The following DOCK9 variants were observed in gnomAD, a reference collection of about 807,000 sequenced individuals.
DOCK9 encodes the protein dedicator of cytokinesis protein 9.
A neutral mutation model predicts 263.3 loss-of-function variants in DOCK9; 89 were observed. That is an observed-to-expected ratio of 0.34 (90% CI 0.28 to 0.40). The LOEUF is 0.40. Ranked by LOEUF, DOCK9 falls within the 10% of genes least tolerant of loss-of-function variation. The pLI is 1.00. For missense variants in DOCK9, 2,140 were observed against 2,603.4 expected, an observed-to-expected ratio of 0.82 and a Z score of 3.87; for synonymous variants, 976 against 973.1, an observed-to-expected ratio of 1.00 and a Z score of -0.06.
chr13:98,830,062 C>A (rs1272805468), intron 41 of DOCK9, among the ~76,000 whole-genome samples: 1 of 152,210 alleles, frequency 6.6e-6, no homozygotes, highest in Admixed American at 6.5e-5. Flanking sequence ...TTACCTATTA[C>A]CTTCTCTAAC....
At chr13:98,924,282 A>C (rs2052563454) in intron 4 of DOCK9, among the ~76,000 whole-genome samples, 1 of 152,224 alleles carries the variant, frequency 6.6e-6, no homozygotes, top group Non-Finnish European at 1.5e-5. Context: ...GAACATTCTT[A>C]AGGAGTGGCA....
chr13:98,823,754 G>T (rs1374188125), intron 45 of DOCK9, among the ~76,000 whole-genome samples: 1 of 152,158 alleles, frequency 6.6e-6, no homozygotes, highest in African/African-American at 2.4e-5. Context: ...GTCAAAACTC[G>T]CCAGTTACAG....
chr13:98,940,493 G>A (rs4772161), intron 2 of DOCK9, among the ~76,000 whole-genome samples: 72,538 of 151,804 alleles, frequency 0.48, 17,796 homozygotes, highest in Middle Eastern at 0.53. Flanking sequence ...TGACCTTCTA[G>A]GCTCCAGCGA....
At chr13:98,804,245 A>C (rs1489711886) in intron 49 of DOCK9, among the ~76,000 whole-genome samples, 1 of 152,216 alleles carries the variant, frequency 6.6e-6, no homozygotes, top group East Asian at 1.9e-4. Flanking sequence ...TTCTTGGTCA[A>C]GAAAGCATTT....
rs535167131 is a variant in DOCK9, at chr13:99,025,994, G to C, written c.129+60229C>G. Among the ~76,000 whole-genome samples, 163 of 135,816 alleles carry C rather than the reference G, an allele frequency of 1.2e-3. 1 individual carries two copies. The highest frequency in any genetic ancestry group is 2.2e-3 in the Non-Finnish European group (136 of 61,876). The allele number at this position is 135,816 out of a possible 152,430, so 89.1% of individuals were successfully genotyped here. Reference sequence around the variant, plus strand: ...AATGTCCAGAACAGGCAAATATCTAGAGACAGAAAGCAGATTAACAGTTCC... The same window carrying C: ...AATGTCCAGAACAGGCAAATATCTACAGACAGAAAGCAGATTAACAGTTCC... On this transcript the variant is annotated intron_variant, in intron 1 of 32. Transcript: ENST00000427887.
intron 27 of DOCK9, among the ~76,000 whole-genome samples, chr13:98,868,732 T>G (rs568656241): frequency 4.5e-4 from 69 of 152,246 alleles, no homozygotes; most frequent in Non-Finnish European, 6.9e-4. Context: ...CCAGCCAGGG[T>G]GACAAAGCAA....
At chr13:98,918,662 A>C (rs1566961690) in intron 7 of DOCK9, among the ~76,000 whole-genome samples, 1 of 152,222 alleles carries the variant, frequency 6.6e-6, no homozygotes, top group Non-Finnish European at 1.5e-5. Flanking sequence ...GAATTTTATA[A>C]CTAGCCAAAC....
upstream of DOCK9, among the ~76,000 whole-genome samples, chr13:99,087,064 G>T (rs984281139): frequency 6.8e-6 from 1 of 147,092 alleles, no homozygotes; most frequent in African/African-American, 2.7e-5. Context: ...TCTGCGCCCG[G>T]GGCCTCTGCG....
At chr13:98,830,873 C>CT in intron 41 of DOCK9, among the ~76,000 whole-genome samples, 1 of 152,272 alleles carries the variant, frequency 6.6e-6, no homozygotes, top group East Asian at 1.9e-4. Flanking sequence ...GGGACACCTA[C>CT]CATGTGTTTG....
At chr13:98,899,019 A>C (rs1472922134) in intron 13 of DOCK9, among the ~76,000 whole-genome samples, 6 of 151,370 alleles carry the variant, frequency 4.0e-5, no homozygotes, top group Admixed American at 2.6e-4. Context: ...TGATTGTCTC[A>C]GAGTTACAGT....
intron 51 of DOCK9, 38 bp from the exon 52 acceptor site, chr13:98,797,291 A>G: frequency 6.2e-7 from 1 of 1,613,076 alleles, no homozygotes; most frequent in East Asian, 2.2e-5. Flanking sequence ...AGGCACGCAG[A>G]GGATAAGGCA....
chr13:98,872,820 C>A (rs950030182), intron 27 of DOCK9, among the ~76,000 whole-genome samples: 1 of 152,214 alleles, frequency 6.6e-6, no homozygotes, highest in African/African-American at 2.4e-5. Flanking sequence ...GAGAATGGCA[C>A]CTCACATCTT....
chr13:99,013,293 T>G (rs528755467), intron 1 of DOCK9, among the ~76,000 whole-genome samples: 3 of 152,080 alleles, frequency 2.0e-5, no homozygotes, highest in Non-Finnish European at 2.9e-5. Flanking sequence ...GTTGTTGTTG[T>G]TGGTAGAAAC....
At chr13:98,908,210 A>G (rs1353690431) in intron 9 of DOCK9, among the ~76,000 whole-genome samples, 1 of 152,224 alleles carries the variant, frequency 6.6e-6, no homozygotes, top group East Asian at 1.9e-4. Context: ...ACTAATAACC[A>G]GCAAAATATA....
chr13:99,030,307 A>G (rs1041530525), intron 1 of DOCK9, among the ~76,000 whole-genome samples: 5 of 152,276 alleles, frequency 3.3e-5, no homozygotes, highest in Non-Finnish European at 4.4e-5. Flanking sequence ...GGCATATGAA[A>G]TAAATCATAA....
chr13:99,040,248 T>C (rs2142122077), intron 1 of DOCK9, among the ~76,000 whole-genome samples: 1 of 152,294 alleles, frequency 6.6e-6, no homozygotes, highest in Admixed American at 6.5e-5. Flanking sequence ...GCAGGTACTT[T>C]GATTTTAAAC....
chr13:99,075,292 T>C (rs900510026), intron 1 of DOCK9, among the ~76,000 whole-genome samples: 1 of 152,018 alleles, frequency 6.6e-6, no homozygotes, highest in Non-Finnish European at 1.5e-5. Flanking sequence ...CTTATTTTTT[T>C]AATCTGCATA....
intron 1 of DOCK9, among the ~76,000 whole-genome samples, chr13:98,975,358 T>C (rs940261550): frequency 3.4e-5 from 5 of 148,402 alleles, no homozygotes; most frequent in African/African-American, 1.3e-4. Flanking sequence ...TAAGACTTTG[T>C]CTCAAAAAAA....
chr13:98,838,488 A>C (rs1179873394), intron 38 of DOCK9, among the ~76,000 whole-genome samples: 2 of 152,350 alleles, frequency 1.3e-5, no homozygotes, highest in East Asian at 3.9e-4. Flanking sequence ...CATAAAAGCC[A>C]ACATGTCTGA....
Sources: gnomAD v4.1 joint callset for allele counts (sites outside exome capture counted in the v4.1 genomes callset) on GRCh38, gnomAD v4.1.1 for gene constraint, MANE v1.5 for transcripts, NCBI Gene and HGNC (gene_info 2026-07-23, HGNC 2026-07-21) for gene names.